Variants in PPP2R2B observed in about 807,000 individuals in gnomAD.
PPP2R2B encodes the protein serine/threonine-protein phosphatase 2A 55 kDa regulatory subunit B beta isoform.
Under a neutral mutation model 46.0 loss-of-function variants are expected in PPP2R2B, and 5 were observed. The ratio of observed to expected loss-of-function variants is 0.11; its 90% CI spans 0.06 to 0.23. The LOEUF (loss-of-function observed/expected upper bound fraction) is 0.23, where lower values mean the gene tolerates loss of function less well. Ranked by LOEUF, PPP2R2B falls within the 10% of genes least tolerant of loss-of-function variation. The pLI is 1.00. For missense variants in PPP2R2B, 367 were observed against 575.0 expected, an observed-to-expected ratio of 0.64 and a Z score of 3.70; for synonymous variants, 215 against 206.7, an observed-to-expected ratio of 1.04 and a Z score of -0.34.
chr5:146,872,398 C>G (rs1761666085), intron 2 of PPP2R2B, among the ~76,000 whole-genome samples: 1 of 152,230 alleles, frequency 6.6e-6, no homozygotes, highest in Admixed American at 6.5e-5. Context: ...AAACAGCATT[C>G]TGATCTGGCA....
At chr5:146,962,123 A>C (rs1299339533) in intron 1 of PPP2R2B, among the ~76,000 whole-genome samples, 2 of 143,016 alleles carry the variant, frequency 1.4e-5, no homozygotes, top group African/African-American at 5.3e-5. Context: ...TGGTCTTCTG[A>C]GTCTGCACAT....
At chr5:147,058,890 C>T (rs1757173105), upstream of PPP2R2B, among the ~76,000 whole-genome samples, 1 of 152,124 alleles carries the variant, frequency 6.6e-6, no homozygotes, top group Non-Finnish European at 1.5e-5. Context: ...CTGGAATCAC[C>T]TGATGAGCTA....
At chr5:146,827,898 T>C (rs968388798) in intron 2 of PPP2R2B, among the ~76,000 whole-genome samples, 1 of 152,242 alleles carries the variant, frequency 6.6e-6, no homozygotes, top group South Asian at 2.1e-4. Context: ...TTTTCTGTCG[T>C]CTTCCTACAC....
At chr5:146,907,554 G>A (rs1335802303) in intron 1 of PPP2R2B, among the ~76,000 whole-genome samples, 1 of 152,228 alleles carries the variant, frequency 6.6e-6, no homozygotes, top group Non-Finnish European at 1.5e-5. Flanking sequence ...AAAGGGCTAA[G>A]GGCAGGTGTA....
intron 1 of PPP2R2B, among the ~76,000 whole-genome samples, chr5:146,985,902 T>C (rs1753408478): frequency 6.6e-6 from 1 of 152,164 alleles, no homozygotes; most frequent in Admixed American, 6.5e-5. Context: ...ATTGGTATCA[T>C]TTCTATACAA....
intron 1 of PPP2R2B, among the ~76,000 whole-genome samples, chr5:147,039,687 T>C (rs971138329): frequency 2.6e-5 from 4 of 152,216 alleles, no homozygotes; most frequent in African/African-American, 9.6e-5. Context: ...GTTCATCATT[T>C]CAATTTTATC....
chr5:146,953,514 A>G (rs1751724659), intron 1 of PPP2R2B, among the ~76,000 whole-genome samples: 1 of 152,152 alleles, frequency 6.6e-6, no homozygotes, highest in South Asian at 2.1e-4. Context: ...GGCAAAAATG[A>G]ATTCAGTGGT....
Position 147,062,946 on chromosome 5 carries a change from T to C in PPP2R2B, c.50+18113A>G, listed in dbSNP as rs938071002. On this transcript the variant is annotated intron_variant, in intron 2 of 10. Transcript: ENST00000394413. ...GTGAGATTAGATGCATGTATGGGCA[T>C]AGAATGTAAAAGGGAGGGAGGGAGG... is the stretch of plus-strand genomic sequence containing the variant. 9.1e-5 allele frequency among the ~76,000 whole-genome samples: 10 copies of C among 109,624 alleles called. No homozygotes were observed. The Admixed American group carries it at 1.3e-3, about 14-fold the overall frequency. The allele number at this position is 109,624 out of a possible 152,430, so 71.9% of individuals were successfully genotyped here.
intron 7 of PPP2R2B, among the ~76,000 whole-genome samples, chr5:146,635,362 A>C (rs1425020995): frequency 6.8e-6 from 1 of 147,660 alleles, no homozygotes; most frequent in African/African-American, 2.5e-5. Flanking sequence ...TTGTGTGTTT[A>C]TTTCATCATC....
At chr5:146,858,698 A>T (rs1760813005) in intron 2 of PPP2R2B, among the ~76,000 whole-genome samples, 1 of 152,132 alleles carries the variant, frequency 6.6e-6, no homozygotes. Context: ...GCTCATTCCA[A>T]ATGGTAGATA....
At chr5:146,605,066 A>G (rs1230202924) in intron 7 of PPP2R2B, among the ~76,000 whole-genome samples, 1 of 152,152 alleles carries the variant, frequency 6.6e-6, no homozygotes, top group South Asian at 2.1e-4. Context: ...GATAATACCT[A>G]TCATCTACTG....
chr5:146,974,001 CA>C (rs1752779746), intron 1 of PPP2R2B, among the ~76,000 whole-genome samples: 1 of 152,114 alleles, frequency 6.6e-6, no homozygotes, highest in South Asian at 2.1e-4. Context: ...GGCAGATGAA[CA>C]AAATGATAAT....
At chr5:146,978,803 T>A (rs1245306148) in intron 1 of PPP2R2B, among the ~76,000 whole-genome samples, 1 of 152,222 alleles carries the variant, frequency 6.6e-6, no homozygotes, top group African/African-American at 2.4e-5. Flanking sequence ...TCAGGCAGCA[T>A]GATGCCTCCA....
In PPP2R2B at chr5:147,075,499, GTCTC is replaced by G. The variant is rs1285663848; in HGVS notation, c.50+5556_50+5559del. Among the ~76,000 whole-genome samples the G allele has an allele frequency of 3.3e-5, 5 of 152,218 alleles. No homozygotes were observed. The East Asian group carries it at 9.6e-4, about 29-fold the overall frequency. Reference sequence around the variant, plus strand: ...AGGTTCTATCTCTATCTCTGAGATTGTCTCTCTAAGACATATATATGACTCATAT... The same window carrying G: ...AGGTTCTATCTCTATCTCTGAGATTGTCTAAGACATATATATGACTCATAT... On this transcript the variant is annotated intron_variant, in intron 2 of 10. Transcript: ENST00000394413.
chr5:146,672,107 G>C (rs1223213273), intron 5 of PPP2R2B, among the ~76,000 whole-genome samples: 1 of 152,180 alleles, frequency 6.6e-6, no homozygotes, highest in Middle Eastern at 3.2e-3. Context: ...CGACAAGTAA[G>C]AATGTGCCAA....
intron 2 of PPP2R2B, among the ~76,000 whole-genome samples, chr5:146,850,702 C>T (rs917369427): frequency 6.6e-6 from 1 of 152,176 alleles, no homozygotes; most frequent in Non-Finnish European, 1.5e-5. Context: ...TTATTACACA[C>T]TCTCAGAGTA....
intron 1 of PPP2R2B, among the ~76,000 whole-genome samples, chr5:146,990,890 A>G (rs2151861612): frequency 6.6e-6 from 1 of 152,142 alleles, no homozygotes; most frequent in Admixed American, 6.5e-5. Flanking sequence ...ACTAAATAAT[A>G]GGATTAAAAA....
chr5:146,931,050 C>A (rs1178619262), intron 1 of PPP2R2B, among the ~76,000 whole-genome samples: 1 of 151,918 alleles, frequency 6.6e-6, no homozygotes, highest in Non-Finnish European at 1.5e-5. Flanking sequence ...TGCTATTGTG[C>A]CAAAGATAAT....
At chr5:146,706,809 T>G (rs1779889756) in intron 2 of PPP2R2B, 2 of 893,154 alleles carry the variant, frequency 2.2e-6, no homozygotes, top group Non-Finnish European at 3.8e-6. Context: ...CGGTTGGCGA[T>G]CTCCTCGTAC....
Sources: allele counts gnomAD v4.1 joint callset (sites outside exome capture counted in the v4.1 genomes callset), GRCh38; gene constraint gnomAD v4.1.1; transcripts MANE v1.5; gene names NCBI Gene and HGNC (gene_info 2026-07-23, HGNC 2026-07-21).